FGF14: variants seen among roughly 807,000 people sequenced by gnomAD.
The protein encoded by FGF14 is fibroblast growth factor 14.
FGF14 carries 5 observed loss-of-function variants against 25.5 expected under a neutral mutation model. The observed-to-expected ratio is 0.20, with a 90% CI of 0.10 to 0.41. The LOEUF is 0.41. Ranked by LOEUF, FGF14 falls within the 10% of genes least tolerant of loss-of-function variation. The pLI, the probability that FGF14 is intolerant of heterozygous loss-of-function variation, is 1.00. For missense variants in FGF14, 222 were observed against 320.1 expected (o/e 0.69, Z 2.34); for synonymous variants, 138 against 118.3 (o/e 1.17, Z -1.08).
At chr13:101,875,028 C>A (rs371084175) in intron 2 of FGF14, among the ~76,000 whole-genome samples, 158 bp downstream of exon 2, 3 of 152,058 alleles carry the variant, frequency 2.0e-5, no homozygotes, top group Non-Finnish European at 2.9e-5. Context: ...TTTTCATCCA[C>A]GTAGTTTAAA....
At chr13:102,388,559 A>G (rs74112339) in intron 1 of FGF14, among the ~76,000 whole-genome samples, 7,894 of 152,252 alleles carry the variant, frequency 0.052, 619 homozygotes, top group African/African-American at 0.17. Context: ...CAAGAAAGCA[A>G]TGCCCTTCCT....
At chr13:101,763,992 C>T (rs372899129) in intron 3 of FGF14, among the ~76,000 whole-genome samples, 5 of 152,178 alleles carry the variant, frequency 3.3e-5, no homozygotes, top group South Asian at 4.1e-4. Flanking sequence ...ATTTCCTTTT[C>T]CTCTCTAGTG....
chr13:101,989,692 T>G (rs1053082689), intron 1 of FGF14, among the ~76,000 whole-genome samples: 1 of 152,172 alleles, frequency 6.6e-6, no homozygotes, highest in African/African-American at 2.4e-5. Context: ...AGTAGCATTT[T>G]AAATTAACAA....
chr13:101,850,546 T>C (rs1385102780), intron 3 of FGF14, among the ~76,000 whole-genome samples: 1 of 28,398 alleles, frequency 3.5e-5, no homozygotes. Flanking sequence ...TATATATATA[T>C]ATATAGAATT....
chr13:101,767,361 C>G (rs1166839070), intron 3 of FGF14, among the ~76,000 whole-genome samples: 1 of 152,100 alleles, frequency 6.6e-6, no homozygotes, highest in Admixed American at 6.6e-5. Flanking sequence ...CGAGATCATT[C>G]TTTTTTTAAA....
chr13:102,385,710 T>A (rs1247080763), intron 1 of FGF14, among the ~76,000 whole-genome samples: 5 of 152,176 alleles, frequency 3.3e-5, no homozygotes, highest in South Asian at 2.1e-4. Context: ...CCTTTCTGAG[T>A]AGCTCTCTTG....
chr13:102,127,308 C>T (rs2140392951), intron 1 of FGF14, among the ~76,000 whole-genome samples: 1 of 152,258 alleles, frequency 6.6e-6, no homozygotes, highest in Non-Finnish European at 1.5e-5. Flanking sequence ...GTTTTACACA[C>T]ATTATCTTAA....
rs754991443 is a variant in FGF14, at chr13:101,715,727, GTA to G, written c.*7102_*7103del. On this transcript the variant is annotated 3_prime_UTR_variant, in exon 5 of 5. Transcript: ENST00000376143. ...AACAGATAAATGCGAAGGAAACCATGTATATTCACCACTAGGACAGGTTAAAA... is the reference window on the plus strand; with the variant it reads ...AACAGATAAATGCGAAGGAAACCATGTATTCACCACTAGGACAGGTTAAAA... 1.5e-4 allele frequency: 140 copies of G among 954,038 alleles called. No homozygotes were observed. In the Middle Eastern group the frequency reaches 2.1e-3, roughly 14 times the overall value. 59.1% of individuals were successfully genotyped at this position (954,038 alleles called of 1,614,324 possible). A position where few individuals can be genotyped will look rare whatever the true frequency, so the allele number is the denominator to read the frequency against.
chr13:101,950,150 A>G (rs564585067), intron 1 of FGF14, among the ~76,000 whole-genome samples: 109 of 152,296 alleles, frequency 7.2e-4, no homozygotes, highest in African/African-American at 2.6e-3. Context: ...AGAACAGAAA[A>G]GCCTGGGTTT....
At chr13:101,814,802 G>A (rs2041755417) in intron 3 of FGF14, among the ~76,000 whole-genome samples, 2 of 152,098 alleles carry the variant, frequency 1.3e-5, no homozygotes, top group Non-Finnish European at 2.9e-5. Context: ...TCAAGTGATG[G>A]CTATTTGGGT....
intron 1 of FGF14, among the ~76,000 whole-genome samples, chr13:102,339,107 C>T (rs2056876004): frequency 6.6e-6 from 1 of 151,020 alleles, no homozygotes; most frequent in Admixed American, 6.6e-5. Context: ...AGATTAAAAA[C>T]AAGGAATTCT....
At chr13:102,387,176 T>G (rs1392562817) in intron 1 of FGF14, among the ~76,000 whole-genome samples, 1 of 152,272 alleles carries the variant, frequency 6.6e-6, no homozygotes, top group African/African-American at 2.4e-5. Flanking sequence ...CATTGAGAAT[T>G]TAGTTGCTCT....
chr13:102,373,864 G>T (rs936693039), intron 1 of FGF14, among the ~76,000 whole-genome samples: 2 of 151,902 alleles, frequency 1.3e-5, no homozygotes, highest in East Asian at 3.9e-4. Context: ...AATCACCTAT[G>T]GGGTTCTAAA....
rs75298548 is a variant in FGF14, at chr13:101,777,063, C to T, written c.409-50253G>A. Among the ~76,000 whole-genome samples the T allele has an allele frequency of 5.8e-3, 882 of 152,246 alleles. 9 individuals carry two copies. Among genetic ancestry groups the T allele is most frequent in the African/African-American group, 0.02 (811 of 41,552 alleles). ...TTCTAGTTATAGATGTTTCAAAAGG[C>T]GAAGTGTTGTACCTTTTCAAGCTTT... On this transcript the variant is annotated intron_variant, in intron 3 of 4. Coordinates refer to ENST00000376143, the MANE Select transcript of FGF14 (RefSeq NM_004115.4).
At chr13:102,270,213 T>C (rs2053181709) in intron 1 of FGF14, among the ~76,000 whole-genome samples, 1 of 152,080 alleles carries the variant, frequency 6.6e-6, no homozygotes, top group African/African-American at 2.4e-5. Context: ...CTTAGAAACA[T>C]CCATATAGTA....
rs9585774 is a variant in FGF14, at chr13:101,761,675, G to A, written c.409-34865C>T. Among the ~76,000 whole-genome samples the A allele has an allele frequency of 6.0e-3, 913 of 152,236 alleles. 8 individuals are homozygous for A. Among genetic ancestry groups the A allele is most frequent in the African/African-American group, 0.021 (877 of 41,526 alleles). ...AATAAATGTTAGAGATGATGGCTAGGCTAATTACCTTGATCTGATCACTGT... is the reference window on the plus strand; with the variant it reads ...AATAAATGTTAGAGATGATGGCTAGACTAATTACCTTGATCTGATCACTGT... On this transcript the variant is annotated intron_variant, in intron 3 of 4. Transcript: ENST00000376143.
At chr13:101,748,366 G>C (rs1338690664) in intron 3 of FGF14, among the ~76,000 whole-genome samples, 1 of 151,972 alleles carries the variant, frequency 6.6e-6, no homozygotes, top group Non-Finnish European at 1.5e-5. Context: ...ATTATCTTAA[G>C]TGAAATAACT....
At chr13:101,939,393 A>G (rs769351376) in intron 1 of FGF14, among the ~76,000 whole-genome samples, 1 of 152,214 alleles carries the variant, frequency 6.6e-6, no homozygotes, top group East Asian at 1.9e-4. Context: ...GCAGCTTACT[A>G]AACAATCTCA....
intron 3 of FGF14, among the ~76,000 whole-genome samples, chr13:101,832,411 A>G (rs1029398826): frequency 5.9e-5 from 9 of 152,036 alleles, no homozygotes; most frequent in Admixed American, 6.6e-5. Context: ...GCCACAGGAA[A>G]CTCACACTGG....
Sources: gnomAD v4.1 joint callset for allele counts (sites outside exome capture counted in the v4.1 genomes callset) on GRCh38, gnomAD v4.1.1 for gene constraint, MANE v1.5 for transcripts, NCBI Gene and HGNC (gene_info 2026-07-23, HGNC 2026-07-21) for gene names.